CRACD: variants seen among roughly 807,000 people sequenced by gnomAD.
CRACD encodes the protein capping protein inhibiting regulator of actin dynamics, also known as capping protein-inhibiting regulator of actin dynamics.
In CRACD, 56 loss-of-function variants were observed where a neutral mutation model predicts 106.8. That is an observed-to-expected ratio of 0.52 (90% CI 0.42 to 0.66). The LOEUF (loss-of-function observed/expected upper bound fraction) is 0.66, where lower values mean the gene tolerates loss of function less well. Among genes scored for constraint, CRACD ranks in the 30% least tolerant of loss-of-function variants. The pLI is 0.00. For missense variants in CRACD, 1,730 were observed against 1,623.2 expected (o/e 1.07, Z -1.13); for synonymous variants, 754 against 670.8 (o/e 1.12, Z -1.92).
chr4:56,091,890 T>C (rs1400045677), intron 1 of CRACD, among the ~76,000 whole-genome samples: 1 of 152,138 alleles, frequency 6.6e-6, no homozygotes, highest in Non-Finnish European at 1.5e-5. Flanking sequence ...AAGAGAGTAA[T>C]GAAAGATACA....
intron 3 of CRACD, among the ~76,000 whole-genome samples, chr4:56,282,851 T>C (rs1247943684): frequency 2.0e-5 from 3 of 152,182 alleles, no homozygotes; most frequent in South Asian, 4.1e-4. Context: ...TGCTTTTCAT[T>C]GTTCCTTTCG....
chr4:56,277,265 A>G (rs1051522196), intron 3 of CRACD, among the ~76,000 whole-genome samples: 1 of 152,234 alleles, frequency 6.6e-6, no homozygotes, highest in East Asian at 1.9e-4. Flanking sequence ...CCTGAATCCA[A>G]CAACATGTAA....
intron 8 of CRACD, among the ~76,000 whole-genome samples, chr4:56,320,232 T>G (rs1354274434): frequency 6.6e-6 from 1 of 152,080 alleles, no homozygotes; most frequent in African/African-American, 2.4e-5. Flanking sequence ...GAAAAATAGC[T>G]TAGTATCCCT....
In CRACD at chr4:56,103,575, A is replaced by G. The variant is rs539787577; in HGVS notation, c.-336+54276A>G. Reference sequence around the variant, plus strand: ...CTCAAGTGATTACTTTTACTTGCACAAGACAAACATGCATTCTATCTATGA... The same window carrying G: ...CTCAAGTGATTACTTTTACTTGCACGAGACAAACATGCATTCTATCTATGA... On this transcript the variant is annotated intron_variant, in intron 1 of 10. Transcript: ENST00000682029. 7.2e-5 allele frequency among the ~76,000 whole-genome samples: 11 copies of G among 152,314 alleles called. No individual in the cohort carries two copies. In the South Asian group the frequency reaches 2.3e-3, roughly 32 times the overall value.
intron 1 of CRACD, among the ~76,000 whole-genome samples, chr4:56,096,934 A>T (rs913997521): frequency 6.6e-6 from 1 of 152,238 alleles, no homozygotes; most frequent in African/African-American, 2.4e-5. Flanking sequence ...ATTTTTTTAA[A>T]GATGGAAAAC....
rs777119246 is a variant in CRACD at position 56,315,738 on chromosome 4, C to G, written c.2236C>G (p.Arg746Gly). 3.1e-6 allele frequency: 5 copies of G among 1,614,194 alleles called. No individual in the cohort carries two copies. Among genetic ancestry groups the G allele is most frequent in the Admixed American group, 3.3e-5 (2 of 60,030 alleles). ...SKQSTEAESI[R>G]KRPMLGPSEE... Reference sequence around the variant, plus strand: ...ACAGAGCACGGAAGCTGAAAGCATACGAAAAAGACCCATGCTGGGACCCAG... The same window carrying G: ...ACAGAGCACGGAAGCTGAAAGCATAGGAAAAAGACCCATGCTGGGACCCAG... Residue 746 changes from arginine (R) to glycine (G), a missense_variant, in exon 8 of 11, where the codon CGA (arginine) becomes GGA (glycine). Arg to Gly is a moderately radical substitution (Grantham distance 125). Transcript: ENST00000682029. This position sits in a 1 kb window ranked among gnomAD's most constrained non-coding sequence, Gnocchi z 4.1.
intron 2 of CRACD, among the ~76,000 whole-genome samples, chr4:56,190,543 A>G (rs1737324903): frequency 6.6e-6 from 1 of 152,226 alleles, no homozygotes; most frequent in African/African-American, 2.4e-5. Context: ...ACAAAGTTAA[A>G]TAAGATTTTT....
intron 2 of CRACD, among the ~76,000 whole-genome samples, chr4:56,229,807 C>T (rs1168961173): frequency 6.6e-6 from 1 of 152,162 alleles, no homozygotes; most frequent in Non-Finnish European, 1.5e-5. Context: ...TAGCAGAATG[C>T]AGGAGCTCAT....
intron 2 of CRACD, among the ~76,000 whole-genome samples, chr4:56,262,997 G>T (rs538484217): frequency 6.6e-6 from 1 of 152,292 alleles, no homozygotes; most frequent in Admixed American, 6.5e-5. Flanking sequence ...GTTTGTGTCA[G>T]GCATCACGAT....
At chr4:56,162,379 G>T (rs1341386678) in intron 1 of CRACD, among the ~76,000 whole-genome samples, 1 of 151,662 alleles carries the variant, frequency 6.6e-6, no homozygotes, top group South Asian at 2.1e-4. Flanking sequence ...TGGTTTTTTT[G>T]TTTTTGTTTT....
intron 1 of CRACD, among the ~76,000 whole-genome samples, chr4:56,136,042 CT>C (rs1237809452): frequency 6.6e-6 from 1 of 151,058 alleles, no homozygotes; most frequent in African/African-American, 2.4e-5. Context: ...TTTGGTGGAG[CT>C]TTTTTTCACT....
intron 2 of CRACD, among the ~76,000 whole-genome samples, chr4:56,185,381 C>T (rs977065028): frequency 1.3e-5 from 2 of 152,204 alleles, no homozygotes; most frequent in South Asian, 2.1e-4. Context: ...TTTCCCCCTC[C>T]CCTCAGCCAC....
intron 3 of CRACD, among the ~76,000 whole-genome samples, chr4:56,295,660 C>CATATAT (rs57635563): frequency 5.5e-5 from 6 of 109,116 alleles, no homozygotes; most frequent in Admixed American, 2.1e-4. Flanking sequence ...AATTAGTAAA[C>CATATAT]ATATATATAT....
intron 1 of CRACD, among the ~76,000 whole-genome samples, chr4:56,079,951 GA>G (rs1285775112): frequency 6.6e-6 from 1 of 152,154 alleles, no homozygotes; most frequent in Admixed American, 6.5e-5. Context: ...ACAGGATAAG[GA>G]AGATTGCAAC....
intron 1 of CRACD, among the ~76,000 whole-genome samples, chr4:56,147,027 A>G (rs981595016): frequency 6.6e-6 from 1 of 152,244 alleles, no homozygotes; most frequent in East Asian, 1.9e-4. Context: ...GTCTTGTTCC[A>G]ATGGTTATCT....
In CRACD at chr4:56,075,509, T is replaced by C. The variant is rs1732810053; in HGVS notation, c.-336+26210T>C. On this transcript the variant is annotated intron_variant, in intron 1 of 10. Coordinates refer to ENST00000682029, the MANE Select transcript of CRACD (RefSeq NM_001393381.1). ...TATAGTATTCTCTGATGGTAGTTTG[T>C]ATTTCTGTGGGATCAGTGGTAATAT... is the stretch of plus-strand genomic sequence containing the variant. 2.0e-5 allele frequency among the ~76,000 whole-genome samples: 3 copies of C among 152,336 alleles called. No homozygotes were observed. The South Asian group carries it at 6.2e-4, about 32-fold the overall frequency.
chr4:56,060,766 G>A (rs1033895077), intron 1 of CRACD, among the ~76,000 whole-genome samples: 28 of 152,130 alleles, frequency 1.8e-4, no homozygotes, highest in African/African-American at 6.8e-4. Flanking sequence ...TATAATGGTC[G>A]TGAGGGTGGA....
At chr4:56,093,181 AT>A (rs1262632828) in intron 1 of CRACD, among the ~76,000 whole-genome samples, 2 of 152,094 alleles carry the variant, frequency 1.3e-5, no homozygotes, top group African/African-American at 4.8e-5. Context: ...TAGTAGGGTT[AT>A]TTTGAGGATT....
intron 1 of CRACD, among the ~76,000 whole-genome samples, chr4:56,075,771 G>A (rs35400594): frequency 0.36 from 54,099 of 151,994 alleles, 10,164 homozygotes; most frequent in African/African-American, 0.48. Context: ...TTCCCTTAGC[G>A]TGTTTTCAAG....
Sources: allele counts gnomAD v4.1 joint callset (sites outside exome capture counted in the v4.1 genomes callset), GRCh38; gene constraint gnomAD v4.1.1; non-coding constraint Gnocchi (gnomAD v3.1); transcripts MANE v1.5; gene names NCBI Gene and HGNC (gene_info 2026-07-23, HGNC 2026-07-21).